GFM2: variants seen among roughly 807,000 people sequenced by gnomAD.
The protein encoded by GFM2 is ribosome-releasing factor 2, mitochondrial.
A neutral mutation model predicts 95.4 loss-of-function variants in GFM2; 72 were observed. The observed-to-expected ratio is 0.76, with a 90% confidence interval of 0.62 to 0.92. The LOEUF is 0.92. GFM2 is among the 40% of genes least tolerant of loss of function. The pLI, the probability that GFM2 is intolerant of heterozygous loss-of-function variation, is 0.00. For missense variants in GFM2, 825 were observed against 924.1 expected (o/e 0.89, Z 1.39); for synonymous variants, 276 against 317.5 (o/e 0.87, Z 1.39).
Position 74,758,979 on chromosome 5 carries a change from C to T in GFM2, c.207-33G>A, listed in dbSNP as rs755968325. ...AAAGGAAAAAATAAGGTAAACTTTA[C>T]TAAAATTGTAAAACCAAAGTATATA... On this transcript the variant is annotated intron_variant, in intron 4 of 20. Transcript: ENST00000296805. The T allele has an allele frequency of 7.0e-6, 10 of 1,426,466 alleles. No individual in the cohort carries two copies. In the African/African-American group the frequency reaches 1.3e-4, roughly 18 times the overall value. The allele number at this position is 1,426,466 out of a possible 1,614,324, so 88.4% of individuals were successfully genotyped here.
intron 17 of GFM2, among the ~76,000 whole-genome samples, chr5:74,729,295 C>A (rs746187113): frequency 3.3e-5 from 5 of 152,198 alleles, no homozygotes; most frequent in Non-Finnish European, 5.9e-5. Flanking sequence ...AGTTTCCTTG[C>A]CCTCTGCTTT....
chr5:74,755,295 C>T (rs1234213893), intron 5 of GFM2, among the ~76,000 whole-genome samples: 1 of 152,102 alleles, frequency 6.6e-6, no homozygotes, highest in Non-Finnish European at 1.5e-5. Flanking sequence ...AGTACTCTCT[C>T]ATATCATAGT....
chr5:74,723,440 G>A (rs1324669185), intron 19 of GFM2, among the ~76,000 whole-genome samples: 1 of 152,042 alleles, frequency 6.6e-6, no homozygotes, highest in African/African-American at 2.4e-5. Flanking sequence ...GTAGTCTTCA[G>A]TTCACCTTTG....
chr5:74,729,172 G>C (rs539049791), intron 17 of GFM2, among the ~76,000 whole-genome samples: 1 of 152,296 alleles, frequency 6.6e-6, no homozygotes, highest in East Asian at 1.9e-4. Context: ...TTCTTGGTCT[G>C]GAGTTTTTCA....
In GFM2 at chr5:74,758,213, G is replaced by A. The variant is rs181749874; in HGVS notation, c.304+636C>T. On this transcript the variant is annotated intron_variant, in intron 5 of 20. Transcript: ENST00000296805. ...CTTTTCTTCTAGAAACCAGATAACA[G>A]AGGTATGTCAACTACATTCCTAGGC... Among the ~76,000 whole-genome samples the A allele has an allele frequency of 2.8e-4, 42 of 152,270 alleles. No homozygotes were observed. The East Asian group carries it at 7.5e-3, about 27-fold the overall frequency.
chr5:74,727,073 C>T (rs1002285842), intron 17 of GFM2, among the ~76,000 whole-genome samples: 1 of 151,974 alleles, frequency 6.6e-6, no homozygotes, highest in Non-Finnish European at 1.5e-5. Context: ...GAGACTGAGG[C>T]GGGAGGATTG....
rs765325575 is a variant in GFM2 at position 74,725,748 on chromosome 5, C to T, written c.1920G>A (p.Leu640=). ...GIHSACLQGP[L]LGSPIQDVAI... Reference sequence around the variant, plus strand: ...CTACATCCTGAATTGGGGATCCAAGCAATGGTCCTAGACAAGGGAAAAAAA... The same window carrying T: ...CTACATCCTGAATTGGGGATCCAAGTAATGGTCCTAGACAAGGGAAAAAAA... The change falls in exon 19 of 21, where the codon TTG becomes TTA. Residue 640 remains leucine (L), a synonymous_variant. Transcript: ENST00000296805. 2 of 1,611,444 alleles carry T rather than the reference C, an allele frequency of 1.2e-6. No individual in the cohort carries two copies. Among genetic ancestry groups the T allele is most frequent in the South Asian group, 2.2e-5 (2 of 91,014 alleles).
chr5:74,760,656 C>G (rs564268688), intron 3 of GFM2, among the ~76,000 whole-genome samples: 1 of 152,164 alleles, frequency 6.6e-6, no homozygotes, highest in African/African-American at 2.4e-5. Flanking sequence ...TGCAAACTAG[C>G]TACTAAAGCC....
At chr5:74,745,883 T>C (rs771986836) in intron 9 of GFM2, 26 bp from the exon 10 acceptor site, 1 of 1,559,556 alleles carries the variant, frequency 6.4e-7, no homozygotes, top group Admixed American at 1.8e-5. Context: ...AGATTAACAT[T>C]ATTACATGAT....
rs1447708956 is a variant in GFM2 at position 74,745,798 on chromosome 5, T to G, written c.729A>C (p.Lys243Asn). ...CATTTGAATTGCAATTCCAAAGAAG[T>G]TTTTCTTTCATTACTACATCCACCA... The part of the protein sequence containing the change: ...KGVVDVVMKE[K>N]LLWNCNSNDG... The change falls in exon 10 of 21, where the codon AAA (lysine) becomes AAC (asparagine). Residue 243 changes from lysine to asparagine, a missense_variant. Physicochemically the swap from Lys to Asn is moderately conservative, Grantham distance 94 (BLOSUM62 0). Coordinates refer to ENST00000296805, the MANE Select transcript of GFM2 (RefSeq NM_032380.5). 6.2e-7 allele frequency: 1 copy of G among 1,613,188 alleles called. No homozygotes were observed. Among genetic ancestry groups the G allele is most frequent in the Non-Finnish European group, 8.5e-7 (1 of 1,179,774 alleles).
intron 5 of GFM2, 87 bp from the exon 6 acceptor site, chr5:74,751,580 G>A: frequency 1.1e-6 from 1 of 895,178 alleles, no homozygotes; most frequent in South Asian, 1.9e-5. Context: ...AGTTTAACCT[G>A]CCTTAAGAAA....
At position 74,722,549 on chromosome 5, in the gene GFM2, C is replaced by T; in HGVS notation, c.2041G>A (p.Ala681Thr). Residue 681 changes from alanine (A) to threonine (T), a missense_variant, in exon 20 of 21, where the codon GCT (alanine) becomes ACT (threonine). Physicochemically the swap from Ala to Thr is moderately conservative, Grantham distance 58. Coordinates refer to ENST00000296805, the MANE Select transcript of GFM2 (RefSeq NM_032380.5). The part of the protein sequence containing the change: ...SRCVQKALKK[A>T]DKQVLEPLMN... ...AGAGGCTCCAAAACTTGCTTATCAGCTTTCTTCAGAGCCTAAAGAAATTAA... is the reference window on the plus strand; with the variant it reads ...AGAGGCTCCAAAACTTGCTTATCAGTTTTCTTCAGAGCCTAAAGAAATTAA... The T allele has an allele frequency of 2.5e-6, 4 of 1,611,734 alleles. No individual in the cohort carries two copies. The highest frequency in any genetic ancestry group is 3.4e-6 in the Non-Finnish European group (4 of 1,179,268).
intron 10 of GFM2, among the ~76,000 whole-genome samples, chr5:74,742,333 TA>T (rs955854954): frequency 1.3e-5 from 2 of 151,874 alleles, no homozygotes; most frequent in African/African-American, 4.8e-5. Flanking sequence ...TGGAAAGCAT[TA>T]TATGTGATGG....
intron 16 of GFM2, among the ~76,000 whole-genome samples, chr5:74,731,294 C>G (rs1253639654): frequency 2.6e-5 from 4 of 152,202 alleles, no homozygotes; most frequent in African/African-American, 9.7e-5. Flanking sequence ...TAGCTTGAAC[C>G]TTCATATGAG....
At chr5:74,758,765 G>A in intron 5 of GFM2, 84 bp downstream of exon 5, 1 of 799,264 alleles carries the variant, frequency 1.3e-6, no homozygotes, top group East Asian at 2.5e-5. Flanking sequence ...TATTCAAGGT[G>A]TGTAAGTTGA....
chr5:74,729,974 G>A (rs1407762573), intron 17 of GFM2, among the ~76,000 whole-genome samples: 1 of 152,112 alleles, frequency 6.6e-6, no homozygotes, highest in Non-Finnish European at 1.5e-5. Flanking sequence ...TTCTGATAGT[G>A]AGGACTGGGA....
At chr5:74,752,489 T>C (rs994670841) in intron 5 of GFM2, among the ~76,000 whole-genome samples, 13 of 152,206 alleles carry the variant, frequency 8.5e-5, no homozygotes, top group Non-Finnish European at 1.3e-4. Context: ...AACTCAAATA[T>C]AACTCTATGT....
intron 18 of GFM2, 45 bp from the exon 19 acceptor site, chr5:74,725,800 G>A (rs771908502): frequency 8.0e-6 from 12 of 1,492,190 alleles, no homozygotes; most frequent in Non-Finnish European, 9.3e-6. Context: ...TAGATGTGAA[G>A]TGAGAAGTAA....
rs567468582 is a variant in GFM2, at chr5:74,758,711, T to C, written c.304+138A>G. Reference sequence around the variant, plus strand: ...GACCCTTTGGTGGGTATTGCAACTATCTTATCTTTAAATTGTGGATTAGAC... The same window carrying C: ...GACCCTTTGGTGGGTATTGCAACTACCTTATCTTTAAATTGTGGATTAGAC... On this transcript the variant is annotated intron_variant, in intron 5 of 20. Coordinates refer to ENST00000296805, the MANE Select transcript of GFM2 (RefSeq NM_032380.5). The C allele has an allele frequency of 8.7e-5, 53 of 612,240 alleles. No individual in the cohort carries two copies. In the South Asian group the frequency reaches 1.0e-3, roughly 12 times the overall value. The allele number at this position is 612,240 out of a possible 1,614,324, so 37.9% of individuals were successfully genotyped here.
Sources: allele counts gnomAD v4.1 joint callset (sites outside exome capture counted in the v4.1 genomes callset), GRCh38; gene constraint gnomAD v4.1.1; transcripts MANE v1.5; gene names NCBI Gene and HGNC (gene_info 2026-07-23, HGNC 2026-07-21).